The following AFF2 variants were observed in gnomAD, a reference collection of about 807,000 sequenced individuals.
The protein encoded by AFF2 is AF4/FMR2 family member 2.
AFF2 carries 14 observed loss-of-function variants against 76.9 expected under a neutral mutation model. That is an observed-to-expected ratio of 0.18 (90% CI 0.12 to 0.28). The LOEUF (loss-of-function observed/expected upper bound fraction) is 0.28. Ranked by LOEUF, AFF2 falls within the 10% of genes least tolerant of loss-of-function variation. AFF2 has a pLI of 1.00. For synonymous variants in AFF2, 398 were observed against 366.7 expected (o/e 1.09, Z -0.98); for missense variants, 868 against 1,001.1 (o/e 0.87, Z 1.79).
At chrX:148,625,936 G>A (rs1171563305) in intron 1 of AFF2, among the ~76,000 whole-genome samples, 8 of 112,042 alleles carry the variant, frequency 7.1e-5, no homozygotes, top group Non-Finnish European at 1.3e-4. Flanking sequence ...AATTATTGCT[G>A]TTATAAACTG....
Position 148,501,083 on chromosome X carries a change from C to T in AFF2, c.-15C>T. 8.3e-7 allele frequency: 1 copy of T among 1,208,946 alleles called. No individual in the cohort carries two copies. The highest frequency in any genetic ancestry group is 1.1e-6 in the Non-Finnish European group (1 of 894,345). On this transcript the variant is annotated 5_prime_UTR_variant, in exon 1 of 21. Transcript: ENST00000370460. Reference sequence around the variant, plus strand: ...TCAGGGACAGGCGCCCGCCCGCCGCCGCCGCCTGGCCGCTATGGATCTATT... The same window carrying T: ...TCAGGGACAGGCGCCCGCCCGCCGCTGCCGCCTGGCCGCTATGGATCTATT...
chrX:148,524,097 T>TC (rs2052630242), intron 1 of AFF2, among the ~76,000 whole-genome samples: 1 of 78,254 alleles, frequency 1.3e-5, no homozygotes, highest in Non-Finnish European at 2.4e-5. Context: ...CTCTCTCTCT[T>TC]TCTCTCTCTC....
rs188997965 is a variant in AFF2, at chrX:148,974,908, G to C, written c.3404+1301G>C. On this transcript the variant is annotated intron_variant, in intron 16 of 20. Transcript: ENST00000370460. ...ACCTGTGATTTTCAAAGATACACAA[G>C]ATGAACATACTGGCAAAAATCATAA... Among the ~76,000 whole-genome samples, 719 of 112,391 alleles carry C rather than the reference G, an allele frequency of 6.4e-3. 7 individuals carry two copies. Among genetic ancestry groups the C allele is most frequent in the African/African-American group, 0.022 (684 of 30,928 alleles).
intron 1 of AFF2, among the ~76,000 whole-genome samples, chrX:148,646,627 G>C (rs1189607687): frequency 3.6e-5 from 4 of 112,511 alleles, no homozygotes; most frequent in African/African-American, 6.5e-5. Flanking sequence ...ATGGGCAGCT[G>C]TCTAGAGCTA....
chrX:148,930,697 G>A (rs1341516175), intron 9 of AFF2, among the ~76,000 whole-genome samples: 9 of 112,092 alleles, frequency 8.0e-5, no homozygotes, highest in Admixed American at 6.6e-4. Context: ...GACTCTTTGA[G>A]GCCTCTGGCT....
chrX:148,982,694 G>A (rs2072410068), intron 19 of AFF2, among the ~76,000 whole-genome samples: 2 of 110,972 alleles, frequency 1.8e-5, no homozygotes, highest in Non-Finnish European at 3.8e-5. Context: ...GAGATGAGCA[G>A]AGGGTTAAGA....
chrX:148,676,220 C>T (rs148509155), intron 3 of AFF2, among the ~76,000 whole-genome samples: 4,091 of 109,401 alleles, frequency 0.037, 77 homozygotes, highest in Non-Finnish European at 0.056. Flanking sequence ...CCACCACGCC[C>T]GGCTTATTTT....
intron 3 of AFF2, among the ~76,000 whole-genome samples, chrX:148,690,920 G>A (rs1172701187): frequency 9.0e-6 from 1 of 111,624 alleles, no homozygotes; most frequent in Non-Finnish European, 1.9e-5. Context: ...TTCTCCCCAT[G>A]TCTTCATGTG....
chrX:148,808,659 G>A (rs1473594432), intron 3 of AFF2, among the ~76,000 whole-genome samples: 1 of 111,939 alleles, frequency 8.9e-6, no homozygotes, highest in East Asian at 2.8e-4. Flanking sequence ...CATTATTGGT[G>A]ACTGTCTCAG....
rs188934701 is a variant in AFF2, at chrX:148,592,489, A to C, written c.48-59510A>C. Among the ~76,000 whole-genome samples the C allele has an allele frequency of 4.5e-3, 416 of 91,898 alleles. 2 individuals are homozygous for C. Among genetic ancestry groups the C allele is most frequent in the African/African-American group, 0.019 (387 of 19,936 alleles). The allele number at this position is 91,898 out of a possible 115,157, so 79.8% of individuals were successfully genotyped here. ...CTTTTTAAACCCAAGGCCTGCTATAAAAAAAAAAAAAAAAGTATATTTTTC... is the reference window on the plus strand; with the variant it reads ...CTTTTTAAACCCAAGGCCTGCTATACAAAAAAAAAAAAAAGTATATTTTTC... On this transcript the variant is annotated intron_variant, in intron 1 of 20. Coordinates refer to ENST00000370460, the MANE Select transcript of AFF2 (RefSeq NM_002025.4).
chrX:148,507,222 C>T (rs914099454), intron 1 of AFF2, among the ~76,000 whole-genome samples: 1 of 112,321 alleles, frequency 8.9e-6, no homozygotes, highest in East Asian at 2.8e-4. Context: ...TTTCATGTCT[C>T]TTAGCCAGTC....
Position 148,723,361 on chromosome X carries a change from C to T in AFF2, c.1041+60593C>T, listed in dbSNP as rs184921735. 2.7e-5 allele frequency among the ~76,000 whole-genome samples: 3 copies of T among 111,835 alleles called. No individual in the cohort carries two copies. The East Asian group carries it at 8.5e-4, about 32-fold the overall frequency. On this transcript the variant is annotated intron_variant, in intron 3 of 20. Coordinates refer to ENST00000370460, the MANE Select transcript of AFF2 (RefSeq NM_002025.4). ...AGAAATTTAATGCAACTGAGAGATA[C>T]GGAGACAAACTTTCTAATTATACAG...
At chrX:148,612,739 G>T (rs1162131305) in intron 1 of AFF2, among the ~76,000 whole-genome samples, 1 of 111,893 alleles carries the variant, frequency 8.9e-6, no homozygotes. Flanking sequence ...AGTACGAAAA[G>T]ATAACCAATG....
intron 7 of AFF2, among the ~76,000 whole-genome samples, chrX:148,843,820 A>T (rs913699034): frequency 3.6e-5 from 4 of 110,611 alleles, no homozygotes; most frequent in Admixed American, 9.6e-5. Flanking sequence ...GCCTCCTCTT[A>T]TAAGGGCAGT....
chrX:148,835,550 T>C (rs1185756256), intron 4 of AFF2, among the ~76,000 whole-genome samples: 12 of 99,691 alleles, frequency 1.2e-4, no homozygotes, highest in Non-Finnish European at 1.6e-4. Flanking sequence ...AGTGGCACAA[T>C]CTTGACACAC....
chrX:148,768,607 C>A (rs1318694705), intron 3 of AFF2, among the ~76,000 whole-genome samples: 2 of 111,685 alleles, frequency 1.8e-5, no homozygotes, highest in African/African-American at 6.5e-5. Flanking sequence ...ATCTGCAAGA[C>A]CTTTCAGTTT....
In AFF2 at chrX:148,500,631, A is replaced by AGCCGCCGCCGCCGCC. The variant is rs1167407264; in HGVS notation, c.-462_-461insCGCCGCCGCCGCCGC. 4.2e-4 allele frequency: 26 copies of AGCCGCCGCCGCCGCC among 62,500 alleles called. No homozygotes were observed. Among genetic ancestry groups the AGCCGCCGCCGCCGCC allele is most frequent in the East Asian group, 2.2e-3 (3 of 1,380 alleles). The allele number at this position is 62,500 out of a possible 1,213,427, so 5.2% of individuals were successfully genotyped here. On this transcript the variant is annotated 5_prime_UTR_variant, in exon 1 of 21. Transcript: ENST00000370460. The stretch of plus-strand genomic sequence containing the variant: ...CCGCGGCCGCCGCCGCCGCCTGTGC[A>AGCCGCCGCCGCCGCC]GCCGCTGCCGCCGCCGCCGCCGCCG...
intron 9 of AFF2, among the ~76,000 whole-genome samples, chrX:148,933,767 G>C (rs2071741177): frequency 8.9e-6 from 1 of 111,987 alleles, no homozygotes; most frequent in Non-Finnish European, 1.9e-5. Flanking sequence ...ATAACAATAA[G>C]ACCATATGGA....
intron 8 of AFF2, among the ~76,000 whole-genome samples, chrX:148,889,019 A>G (rs1557279422): frequency 8.9e-6 from 1 of 111,839 alleles, no homozygotes; most frequent in African/African-American, 3.2e-5. Context: ...AGACGTCCCC[A>G]AATCATCTCA....
Sources: allele counts gnomAD v4.1 joint callset (sites outside exome capture counted in the v4.1 genomes callset), GRCh38; gene constraint gnomAD v4.1.1; transcripts MANE v1.5; gene names NCBI Gene and HGNC (gene_info 2026-07-23, HGNC 2026-07-21).